The following EIF4EBP2 variants were observed in gnomAD, a reference collection of about 807,000 sequenced individuals.
The protein encoded by EIF4EBP2 is eukaryotic translation initiation factor 4E-binding protein 2.
Under a neutral mutation model 10.3 loss-of-function variants are expected in EIF4EBP2, and 5 were observed. The ratio of observed to expected loss-of-function variants is 0.48; its 90% confidence interval spans 0.25 to 1.02. The LOEUF is 1.02. Ranked by LOEUF, EIF4EBP2 falls within the 50% of genes least tolerant of loss-of-function variation. The pLI, the probability that EIF4EBP2 is intolerant of heterozygous loss-of-function variation, is 0.15. For missense variants in EIF4EBP2, 188 were observed against 162.2 expected (o/e 1.16, Z -0.86); for synonymous variants, 67 against 61.1 (o/e 1.10, Z -0.45).
intron 1 of EIF4EBP2, among the ~76,000 whole-genome samples, chr10:70,411,396 T>A (rs573835480): frequency 9.2e-5 from 14 of 152,040 alleles, no homozygotes; most frequent in Admixed American, 2.6e-4. Context: ...TTTTTTTTTT[T>A]ATTATTATTA....
rs1376011883 is a variant in EIF4EBP2 at position 70,424,773 on chromosome 10, CTTCTTT to C, written c.*3029_*3034del. ...CAGACATGCATTGTCATGATTCTGTCTTCTTTTTAGTGTGGTTTATTGAGTTCAGCA... is the reference window on the plus strand; with the variant it reads ...CAGACATGCATTGTCATGATTCTGTCTTAGTGTGGTTTATTGAGTTCAGCA... On this transcript the variant is annotated 3_prime_UTR_variant, in exon 3 of 3. Coordinates refer to ENST00000373218, the MANE Select transcript of EIF4EBP2 (RefSeq NM_004096.5). 1 of 152,166 alleles carries C rather than the reference CTTCTTT, an allele frequency of 6.6e-6. No individual in the cohort carries two copies. The highest frequency in any genetic ancestry group is 2.4e-5 in the African/African-American group (1 of 41,440). The allele number at this position is 152,166 out of a possible 1,614,324, so 9.4% of individuals were successfully genotyped here. A position where few individuals can be genotyped will look rare whatever the true frequency, so the allele number is the denominator to read the frequency against.
intron 1 of EIF4EBP2, 63 bp downstream of exon 1, chr10:70,404,609 G>T: frequency 6.9e-7 from 1 of 1,447,412 alleles, no homozygotes. Flanking sequence ...ACTCCTCGGC[G>T]CCTCGGTGCC....
chr10:70,406,861 G>A (rs755108246), intron 1 of EIF4EBP2, among the ~76,000 whole-genome samples: 9 of 152,090 alleles, frequency 5.9e-5, no homozygotes, highest in Non-Finnish European at 1.2e-4. Context: ...TGTATTTATT[G>A]GGAGAGCCCA....
chr10:70,421,340 A>C (rs1263281855), intron 2 of EIF4EBP2, among the ~76,000 whole-genome samples: 1 of 152,240 alleles, frequency 6.6e-6, no homozygotes, highest in African/African-American at 2.4e-5. Flanking sequence ...GTCATATTTC[A>C]GATGAGTTTT....
At chr10:70,413,368 A>G (rs1455641805) in intron 1 of EIF4EBP2, among the ~76,000 whole-genome samples, 2 of 152,060 alleles carry the variant, frequency 1.3e-5, no homozygotes, top group African/African-American at 4.8e-5. Flanking sequence ...GCGTACACCT[A>G]TAATCCCAAC....
chr10:70,422,848 T>G lies in EIF4EBP2; in HGVS notation c.*1101T>G, dbSNP rs1255608627. ...TTTCAGAATGTTCTTAGAAAAGAAC[T>G]GCATTTTTTTCCTTTGTGGATCTGC... On this transcript the variant is annotated 3_prime_UTR_variant, in exon 3 of 3. Transcript: ENST00000373218. 6.6e-6 allele frequency: 1 copy of G among 152,246 alleles called. No homozygotes were observed. Among genetic ancestry groups the G allele is most frequent in the Non-Finnish European group, 1.5e-5 (1 of 68,038 alleles). 9.4% of individuals were successfully genotyped at this position (152,246 alleles called of 1,614,324 possible). A position where few individuals can be genotyped will look rare whatever the true frequency, so the allele number is the denominator to read the frequency against.
At chr10:70,418,263 T>A (rs1845117945) in intron 1 of EIF4EBP2, among the ~76,000 whole-genome samples, 2 of 152,196 alleles carry the variant, frequency 1.3e-5, no homozygotes, top group Non-Finnish European at 1.5e-5. Context: ...CCAGAAACCA[T>A]CCATGCTGGC....
chr10:70,409,567 GT>G (rs1413121074), intron 1 of EIF4EBP2, among the ~76,000 whole-genome samples: 1 of 152,156 alleles, frequency 6.6e-6, no homozygotes, highest in African/African-American at 2.4e-5. Flanking sequence ...CACTATTCCA[GT>G]TTTTTCCTCT....
Position 70,404,396 on chromosome 10 carries a change from A to G in EIF4EBP2, c.-6A>G, listed in dbSNP as rs776265613. On this transcript the variant is annotated 5_prime_UTR_variant, in exon 1 of 3. Transcript: ENST00000373218. Reference sequence around the variant, plus strand: ...CGGACAAAGCCGAGAGCCCGCGCCCACAGCCATGTCCTCGTCAGCCGGCAG... The same window carrying G: ...CGGACAAAGCCGAGAGCCCGCGCCCGCAGCCATGTCCTCGTCAGCCGGCAG... 3 of 1,558,974 alleles carry G rather than the reference A, an allele frequency of 1.9e-6. No homozygotes were observed. In the Admixed American group the frequency reaches 5.4e-5, roughly 28 times the overall value.
chr10:70,404,456 A>C lies in EIF4EBP2; in HGVS notation c.55A>C (p.Thr19Pro), dbSNP rs1376995591. ...HQPSQSRAIP[T>P]RTVAISDAAQ... ...GCCCAGCCAGAGCCGCGCCATCCCC[A>C]CCCGCACCGTGGCCATCAGCGACGC... The change falls in exon 1 of 3, where the codon ACC becomes CCC. Residue 19 changes from threonine (T) to proline (P), a missense_variant. By Grantham distance (38) the Thr-to-Pro change is conservative (BLOSUM62 -1). Transcript: ENST00000373218. 2.5e-6 allele frequency: 4 copies of C among 1,597,172 alleles called. No homozygotes were observed. The highest frequency in any genetic ancestry group is 3.4e-6 in the Non-Finnish European group (4 of 1,174,578).
chr10:70,414,468 C>G (rs777779347), intron 1 of EIF4EBP2, among the ~76,000 whole-genome samples: 19 of 152,064 alleles, frequency 1.2e-4, no homozygotes, highest in Non-Finnish European at 2.2e-4. Context: ...GAATTATTTA[C>G]TGTGTTGGCA....
At position 70,423,503 on chromosome 10, in the gene EIF4EBP2, A is replaced by G. The variant is rs1186689380; in HGVS notation, c.*1756A>G. 1 of 152,488 alleles carries G rather than the reference A, an allele frequency of 6.6e-6. No individual in the cohort carries two copies. Among genetic ancestry groups the G allele is most frequent in the Non-Finnish European group, 1.5e-5 (1 of 68,022 alleles). The allele number at this position is 152,488 out of a possible 1,614,324, so 9.4% of individuals were successfully genotyped here. On this transcript the variant is annotated 3_prime_UTR_variant, in exon 3 of 3. Transcript: ENST00000373218. ...CCCTCATAGAAAGACAAAAGCATCCATCCCCTCATAGTTAAGTAGCCACTG... is the reference window on the plus strand; with the variant it reads ...CCCTCATAGAAAGACAAAAGCATCCGTCCCCTCATAGTTAAGTAGCCACTG...
Position 70,404,368 on chromosome 10 carries a change from C to G in EIF4EBP2, c.-34C>G. 10 of 1,517,498 alleles carry G rather than the reference C, an allele frequency of 6.6e-6. No homozygotes were observed. Among genetic ancestry groups the G allele is most frequent in the Non-Finnish European group, 8.8e-6 (10 of 1,135,668 alleles). The allele number at this position is 1,517,498 out of a possible 1,614,324, so 94.0% of individuals were successfully genotyped here. A position where few individuals can be genotyped will look rare whatever the true frequency, so the allele number is the denominator to read the frequency against. ...CCCGGCCCCGCCGCCGCCGCCTGCC[C>G]GCCGGACAAAGCCGAGAGCCCGCGC... On this transcript the variant is annotated 5_prime_UTR_variant, in exon 1 of 3. Coordinates refer to ENST00000373218, the MANE Select transcript of EIF4EBP2 (RefSeq NM_004096.5).
rs909385738 is a variant in EIF4EBP2, at chr10:70,404,316, T to C, written c.-86T>C. On this transcript the variant is annotated 5_prime_UTR_variant, in exon 1 of 3. Coordinates refer to ENST00000373218, the MANE Select transcript of EIF4EBP2 (RefSeq NM_004096.5). ...GCGAGGAGCGCGCAGAGCGCGCTTT[T>C]CCGTCCGCCTGAGGAGCCGAAGCAG... is the stretch of plus-strand genomic sequence containing the variant. 6 of 1,429,800 alleles carry C rather than the reference T, an allele frequency of 4.2e-6. No individual in the cohort carries two copies. In the South Asian group the frequency reaches 8.7e-5, roughly 21 times the overall value. The allele number at this position is 1,429,800 out of a possible 1,614,324, so 88.6% of individuals were successfully genotyped here.
intron 1 of EIF4EBP2, among the ~76,000 whole-genome samples, chr10:70,410,537 C>T (rs991492502): frequency 3.3e-5 from 5 of 152,226 alleles, no homozygotes; most frequent in Admixed American, 2.0e-4. Context: ...AGGAGTCTGT[C>T]TCTTCATCCA....
At chr10:70,420,230 C>CAAAAAA in intron 2 of EIF4EBP2, 131 bp downstream of exon 2, 3 of 858,260 alleles carry the variant, frequency 3.5e-6, no homozygotes, top group Non-Finnish European at 5.1e-6. Flanking sequence ...GACACAGTCT[C>CAAAAAA]ATTCTGTCAC....
At chr10:70,407,899 A>T (rs1160314555) in intron 1 of EIF4EBP2, among the ~76,000 whole-genome samples, 4 of 126,164 alleles carry the variant, frequency 3.2e-5, no homozygotes, top group Admixed American at 7.8e-5. Context: ...CTGGCCGGGC[A>T]GAGGGGCTCC....
intron 1 of EIF4EBP2, among the ~76,000 whole-genome samples, chr10:70,411,816 T>C (rs1845049217): frequency 1.3e-5 from 2 of 152,230 alleles, no homozygotes; most frequent in African/African-American, 2.4e-5. Context: ...TTAGTTGTTA[T>C]ATACACCCTT....
At chr10:70,414,864 C>T (rs573728594) in intron 1 of EIF4EBP2, among the ~76,000 whole-genome samples, 78 of 151,772 alleles carry the variant, frequency 5.1e-4, no homozygotes, top group African/African-American at 1.8e-3. Flanking sequence ...GAAAATCCAT[C>T]TCAAAAGCAA....
Sources: gnomAD v4.1 joint callset for allele counts (sites outside exome capture counted in the v4.1 genomes callset) on GRCh38, gnomAD v4.1.1 for gene constraint, MANE v1.5 for transcripts, NCBI Gene and HGNC (gene_info 2026-07-23, HGNC 2026-07-21) for gene names.